Variants in ERI1 observed in about 807,000 individuals in gnomAD.
ERI1 encodes the protein 3'-5' exoribonuclease 1.
In ERI1, 39 loss-of-function variants were observed where a neutral mutation model predicts 39.7. The observed-to-expected ratio is 0.98, with a 90% CI of 0.76 to 1.28. ERI1 has a LOEUF of 1.28. ERI1 is among the 50% of genes most tolerant of loss of function. ERI1 has a pLI of 0.00. For missense variants in ERI1, 581 were observed against 416.9 expected (o/e 1.39, Z -3.43); for synonymous variants, 204 against 149.6 (o/e 1.36, Z -2.65).
Position 9,020,395 on chromosome 8 carries a change from C to T in ERI1, c.738C>T (p.Ser246=). ...SKFLNIQCQL[S]RLKYPPFAKK... ...TCTTGAACATTCAGTGTCAACTCAGCAGGCTCAAATACCCTCCTTTTGCGA... is the reference window on the plus strand; with the variant it reads ...TCTTGAACATTCAGTGTCAACTCAGTAGGCTCAAATACCCTCCTTTTGCGA... The change falls in exon 6 of 7, where the codon AGC becomes AGT. Residue 246 remains serine, a synonymous_variant. Coordinates refer to ENST00000250263, the MANE Select transcript of ERI1 (RefSeq NM_153332.4). 6.2e-7 allele frequency: 1 copy of T among 1,606,524 alleles called. No individual in the cohort carries two copies. The highest frequency in any genetic ancestry group is 1.1e-5 in the South Asian group (1 of 88,894).
chr8:9,071,102 AC>A (rs1799035219), intron 3 of ERI1, among the ~76,000 whole-genome samples: 1 of 152,238 alleles, frequency 6.6e-6, no homozygotes, highest in Admixed American at 6.5e-5. Flanking sequence ...TGGAAAGAGA[AC>A]TGTTGCTAAG....
downstream of ERI1, among the ~76,000 whole-genome samples, chr8:9,037,821 C>G (rs941283368): frequency 3.3e-5 from 5 of 151,132 alleles, no homozygotes; most frequent in Non-Finnish European, 5.9e-5. Context: ...GACTTTCCCC[C>G]TAGGTGCCAG....
intron 3 of ERI1, among the ~76,000 whole-genome samples, chr8:9,048,885 A>G (rs923220830): frequency 2.0e-5 from 3 of 151,832 alleles, no homozygotes; most frequent in African/African-American, 7.2e-5. Context: ...GGCTCAAAAA[A>G]TCCTCTCCCC....
intron 3 of ERI1, among the ~76,000 whole-genome samples, chr8:9,098,724 A>C (rs901468957): frequency 6.6e-6 from 1 of 151,398 alleles, no homozygotes; most frequent in African/African-American, 2.4e-5. Flanking sequence ...CTATTGAAAT[A>C]AAAAAAAAAT....
intron 1 of ERI1, among the ~76,000 whole-genome samples, chr8:9,003,403 C>G (rs931354023): frequency 2.6e-5 from 4 of 152,232 alleles, no homozygotes; most frequent in African/African-American, 9.6e-5. Flanking sequence ...CCAGTTCTGT[C>G]TACAGTGGGT....
chr8:9,045,230 T>A (rs1585256422), intron 3 of ERI1, among the ~76,000 whole-genome samples: 1 of 81,942 alleles, frequency 1.2e-5, no homozygotes, highest in Non-Finnish European at 2.7e-5. Context: ...AGTGAGACTC[T>A]GTCTCAAAAA....
At chr8:9,048,034 G>A (rs1798233085) in intron 3 of ERI1, among the ~76,000 whole-genome samples, 1 of 152,232 alleles carries the variant, frequency 6.6e-6, no homozygotes, top group African/African-American at 2.4e-5. Flanking sequence ...AAGTGGGAAA[G>A]CCAGGACTTG....
chr8:9,095,058 C>G (rs1428978822), intron 3 of ERI1, among the ~76,000 whole-genome samples: 1 of 152,190 alleles, frequency 6.6e-6, no homozygotes, highest in Non-Finnish European at 1.5e-5. Flanking sequence ...GCAGTTGCAA[C>G]AGCTTTACTT....
At chr8:9,061,555 C>G (rs1798697562) in intron 3 of ERI1, among the ~76,000 whole-genome samples, 1 of 152,212 alleles carries the variant, frequency 6.6e-6, no homozygotes, top group African/African-American at 2.4e-5. Context: ...TAGGCTAAAA[C>G]AGTAAGGTCA....
chr8:9,032,719 C>T lies in ERI1; in HGVS notation c.*2685C>T, dbSNP rs1050666990. The T allele has an allele frequency of 1.3e-5, 2 of 152,078 alleles. No individual in the cohort carries two copies. The highest frequency in any genetic ancestry group is 4.8e-5 in the African/African-American group (2 of 41,414). 9.4% of individuals were successfully genotyped at this position (152,078 alleles called of 1,614,324 possible). Reference sequence around the variant, plus strand: ...AAGTATTATCCCCAAAATGATAATGCAAAACAGAATAATTTGGAGACCAGG... The same window carrying T: ...AAGTATTATCCCCAAAATGATAATGTAAAACAGAATAATTTGGAGACCAGG... On this transcript the variant is annotated 3_prime_UTR_variant, in exon 7 of 7. Transcript: ENST00000250263.
At chr8:9,024,984 G>T (rs1479595768) in intron 6 of ERI1, among the ~76,000 whole-genome samples, 2 of 152,144 alleles carry the variant, frequency 1.3e-5, no homozygotes, top group African/African-American at 2.4e-5. Context: ...TGAAAGTGCA[G>T]TGAAGTGTTA....
downstream of ERI1, among the ~76,000 whole-genome samples, chr8:9,033,589 C>G (rs1025549976): frequency 3.3e-5 from 5 of 152,196 alleles, no homozygotes; most frequent in South Asian, 2.1e-4. Flanking sequence ...ATACTTGCAT[C>G]AGACATTTAT....
At chr8:9,063,513 G>T (rs369824604) in intron 3 of ERI1, among the ~76,000 whole-genome samples, 2 of 151,996 alleles carry the variant, frequency 1.3e-5, no homozygotes, top group African/African-American at 4.8e-5. Flanking sequence ...GACCTAGCTC[G>T]GCCTGGCAAG....
chr8:9,081,571 T>C (rs1799367274), intron 3 of ERI1, among the ~76,000 whole-genome samples: 1 of 152,202 alleles, frequency 6.6e-6, no homozygotes, highest in African/African-American at 2.4e-5. Context: ...TCCCCTCTGC[T>C]ACCCATTTCT....
rs138319323 is a variant in ERI1, at chr8:9,064,982, G to A, written n.299+44518G>A. Among the ~76,000 whole-genome samples, 1,043 of 152,250 alleles carry A rather than the reference G, an allele frequency of 6.9e-3. 9 individuals carry two copies. Among genetic ancestry groups the A allele is most frequent in the African/African-American group, 0.024 (1,009 of 41,534 alleles). On this transcript the variant is annotated intron_variant and non_coding_transcript_variant, in intron 3 of 3. Transcript: ENST00000518663. ...GGTTGTTCTCTGGCAGGAAGGAGTG[G>A]GGGTCACAAGGTGCTCAGTAGGGGA...
At chr8:9,045,463 T>C (rs1485245554) in intron 3 of ERI1, among the ~76,000 whole-genome samples, 1 of 151,666 alleles carries the variant, frequency 6.6e-6, no homozygotes, top group Non-Finnish European at 1.5e-5. Context: ...AGTAGAAACA[T>C]TCATGGATAC....
At chr8:9,084,826 A>C (rs955634859) in intron 3 of ERI1, among the ~76,000 whole-genome samples, 1 of 151,484 alleles carries the variant, frequency 6.6e-6, no homozygotes, top group Non-Finnish European at 1.5e-5. Context: ...TGATCATTCT[A>C]ACCTTCTGAA....
In ERI1 at chr8:9,032,468, A is replaced by G. The variant is rs1422567610; in HGVS notation, c.*2434A>G. ...TTATTTGTGTTCTGTTGGATCAAGT[A>G]TTTAACATTTGCTCTGAAAAAAATG... On this transcript the variant is annotated 3_prime_UTR_variant, in exon 7 of 7. Transcript: ENST00000250263. 2 of 152,154 alleles carry G rather than the reference A, an allele frequency of 1.3e-5. No homozygotes were observed. Among genetic ancestry groups the G allele is most frequent in the African/African-American group, 4.8e-5 (2 of 41,434 alleles). The allele number at this position is 152,154 out of a possible 1,614,324, so 9.4% of individuals were successfully genotyped here.
chr8:9,023,481 A>G (rs549536591), intron 6 of ERI1, among the ~76,000 whole-genome samples: 1 of 152,258 alleles, frequency 6.6e-6, no homozygotes, highest in East Asian at 1.9e-4. Context: ...GTGTAATCGG[A>G]AAGTTGTAGA....
Sources: gnomAD v4.1 joint callset for allele counts (sites outside exome capture counted in the v4.1 genomes callset) on GRCh38, gnomAD v4.1.1 for gene constraint, MANE v1.5 for transcripts, NCBI Gene and HGNC (gene_info 2026-07-23, HGNC 2026-07-21) for gene names.